CYB5RL: variants seen among roughly 807,000 people sequenced by gnomAD.
The protein encoded by CYB5RL is cytochrome b5 reductase like, also known as NADH-cytochrome b5 reductase-like.
In CYB5RL, 38 loss-of-function variants were observed where a neutral mutation model predicts 37.5. That is an observed-to-expected ratio of 1.01 (90% CI 0.78 to 1.33). The LOEUF (loss-of-function observed/expected upper bound fraction) is 1.33. CYB5RL is among the 40% of genes most tolerant of loss of function. The pLI, the probability that CYB5RL is intolerant of heterozygous loss-of-function variation, is 0.00. For synonymous variants in CYB5RL, 141 were observed against 151.9 expected (o/e 0.93, Z 0.53); for missense variants, 388 against 394.4 (o/e 0.98, Z 0.14).
In CYB5RL at chr1:54,190,787, C is replaced by T; in HGVS notation, c.308G>A (p.Ser103Asn). Residue 103 changes from serine (S) to asparagine (N), a missense_variant, in exon 4 of 8, where the codon AGC (serine) becomes AAC (asparagine). Ser to Asn is a conservative substitution (Grantham distance 46). Transcript: ENST00000534324. ...CTGGCCGGGCCGCAGGCCAAGCTGG[C>T]TGTTCCCGGGTAGAGCAAACCGGAC... is the stretch of plus-strand genomic sequence containing the variant. ...YRVRFALPGN[S>N]QLGLRPGQHL... The T allele has an allele frequency of 6.4e-7, 1 of 1,565,336 alleles. No individual in the cohort carries two copies. Among genetic ancestry groups the T allele is most frequent in the East Asian group, 2.4e-5 (1 of 41,980 alleles).
At chr1:54,177,148 A>G (rs991892536) in intron 7 of CYB5RL, among the ~76,000 whole-genome samples, 10 of 152,182 alleles carry the variant, frequency 6.6e-5, no homozygotes, top group African/African-American at 1.9e-4. Context: ...GGCAAGGGCT[A>G]GAAACAGGGT....
In CYB5RL at chr1:54,171,008, G is replaced by C; in HGVS notation, c.*3611C>G. 2.5e-6 allele frequency: 1 copy of C among 394,682 alleles called. No homozygotes were observed. The highest frequency in any genetic ancestry group is 5.2e-6 in the Non-Finnish European group (1 of 192,902). The allele number at this position is 394,682 out of a possible 1,614,324, so 24.4% of individuals were successfully genotyped here. On this transcript the variant is annotated 3_prime_UTR_variant, in exon 8 of 8. Coordinates refer to ENST00000534324, the MANE Select transcript of CYB5RL (RefSeq NM_001031672.4). ...AAGTGCTGAGCATCCTCCCCTGTTA[G>C]GGGTACAATGGGCCGGCCCTCATGC...
rs533368438 is a variant in CYB5RL at position 54,171,232 on chromosome 1, G to A, written c.*3387C>T. On this transcript the variant is annotated 3_prime_UTR_variant, in exon 8 of 8. Coordinates refer to ENST00000534324, the MANE Select transcript of CYB5RL (RefSeq NM_001031672.4). ...AGGCTGGCCAGGCAGAGGAAGCAGC[G>A]AGTGTAAGGGATGAGCTGACGCAAG... The A allele has an allele frequency of 1.6e-4, 75 of 456,158 alleles. No individual in the cohort carries two copies. The highest frequency in any genetic ancestry group is 5.7e-5 in the Non-Finnish European group (13 of 226,798). 28.3% of individuals were successfully genotyped at this position (456,158 alleles called of 1,614,324 possible).
intron 3 of CYB5RL, among the ~76,000 whole-genome samples, chr1:54,194,029 GATAATA>G (rs35993013): frequency 1.5e-4 from 21 of 144,312 alleles, no homozygotes; most frequent in East Asian, 8.0e-4. Flanking sequence ...TAATAATAAT[GATAATA>G]ATAATAATAA....
intron 7 of CYB5RL, among the ~76,000 whole-genome samples, chr1:54,176,551 C>T (rs72908047): frequency 0.013 from 1,981 of 152,270 alleles, 47 homozygotes; most frequent in African/African-American, 0.045. Flanking sequence ...CAAACAGGGT[C>T]CCCTGGAGCC....
rs1471905646 is a variant in CYB5RL at position 54,171,225 on chromosome 1, A to C, written c.*3394T>G. 2 of 456,070 alleles carry C rather than the reference A, an allele frequency of 4.4e-6. No homozygotes were observed. The highest frequency in any genetic ancestry group is 8.8e-6 in the Non-Finnish European group (2 of 226,760). The allele number at this position is 456,070 out of a possible 1,614,324, so 28.3% of individuals were successfully genotyped here. ...AGGTGGGAGGCTGGCCAGGCAGAGG[A>C]AGCAGCGAGTGTAAGGGATGAGCTG... On this transcript the variant is annotated 3_prime_UTR_variant, in exon 8 of 8. Coordinates refer to ENST00000534324, the MANE Select transcript of CYB5RL (RefSeq NM_001031672.4).
At chr1:54,175,934 T>C (rs1394919765) in intron 7 of CYB5RL, among the ~76,000 whole-genome samples, 1 of 152,024 alleles carries the variant, frequency 6.6e-6, no homozygotes, top group Non-Finnish European at 1.5e-5. Flanking sequence ...CAACTATATA[T>C]AGTCTGAAGA....
chr1:54,174,678 C>A lies in CYB5RL; in HGVS notation c.889G>T (p.Asp297Tyr). ...GCGCACAGTAAGCACCTGGCTATGT[C>A]TTTGGTGAACTCAGCCGAGCCACAG... ...LVCGSAEFTK[D>Y]IARCLLCAGL... The change falls in exon 8 of 8, where the codon GAC becomes TAC. Residue 297 changes from aspartate to tyrosine, a missense_variant. By Grantham distance (160) the Asp-to-Tyr change is radical. Transcript: ENST00000534324. The A allele has an allele frequency of 6.2e-7, 1 of 1,613,498 alleles. No individual in the cohort carries two copies.
chr1:54,178,931 C>CTTCACCCACT (rs1157083000), intron 7 of CYB5RL, among the ~76,000 whole-genome samples: 2 of 152,234 alleles, frequency 1.3e-5, no homozygotes, highest in Non-Finnish European at 2.9e-5. Flanking sequence ...TGTCCAGCAG[C>CTTCACCCACT]GTGAGCCGGT....
chr1:54,179,998 T>C (rs550778393), intron 6 of CYB5RL: 1 of 453,414 alleles, frequency 2.2e-6, no homozygotes, highest in Non-Finnish European at 4.4e-6. Flanking sequence ...ATAAACCTAG[T>C]ACTTTGGGAG....
chr1:54,172,626 T>G lies in CYB5RL; in HGVS notation c.*1993A>C, dbSNP rs1165996088. 1 of 152,346 alleles carries G rather than the reference T, an allele frequency of 6.6e-6. No homozygotes were observed. The highest frequency in any genetic ancestry group is 1.5e-5 in the Non-Finnish European group (1 of 68,144). The allele number at this position is 152,346 out of a possible 1,614,324, so 9.4% of individuals were successfully genotyped here. On this transcript the variant is annotated 3_prime_UTR_variant, in exon 8 of 8. Coordinates refer to ENST00000534324, the MANE Select transcript of CYB5RL (RefSeq NM_001031672.4). ...ACCTTTTCATGACACCCATCACTTT[T>G]AGACTTACAGGTTGAATTGCTGCCT... is the stretch of plus-strand genomic sequence containing the variant.
At chr1:54,196,987 G>A (rs1644013220) in intron 1 of CYB5RL, among the ~76,000 whole-genome samples, 1 of 152,178 alleles carries the variant, frequency 6.6e-6, no homozygotes, top group African/African-American at 2.4e-5. Context: ...GGGGGACAGA[G>A]GGGTAGAAGG....
chr1:54,187,681 C>G lies in CYB5RL; in HGVS notation c.406G>C (p.Ala136Pro), dbSNP rs530944934. 6.2e-7 allele frequency: 1 copy of G among 1,613,978 alleles called. No homozygotes were observed. Among genetic ancestry groups the G allele is most frequent in the Non-Finnish European group, 8.5e-7 (1 of 1,179,892 alleles). The change falls in exon 5 of 8, where the codon GCA (alanine) becomes CCA (proline). Residue 136 changes from alanine (A) to proline (P), a missense_variant. Physicochemically the swap from Ala to Pro is conservative, Grantham distance 27 (BLOSUM62 -1). Transcript: ENST00000534324. ...RAYTPISPANAEGYFEVLIKC... is the reference protein window; with the variant it reads ...RAYTPISPANPEGYFEVLIKC... Reference sequence around the variant, plus strand: ...ATTAACACTTCAAAGTATCCTTCTGCGTTGGCAGGGCTGATGGGCGTATAG... The same window carrying G: ...ATTAACACTTCAAAGTATCCTTCTGGGTTGGCAGGGCTGATGGGCGTATAG...
chr1:54,170,427 T>A lies in CYB5RL; in HGVS notation c.*4192A>T, dbSNP rs1659863696. 6.6e-6 allele frequency: 1 copy of A among 151,334 alleles called. No individual in the cohort carries two copies. Among genetic ancestry groups the A allele is most frequent in the Non-Finnish European group, 1.5e-5 (1 of 67,956 alleles). The allele number at this position is 151,334 out of a possible 1,614,324, so 9.4% of individuals were successfully genotyped here. ...CATCAATAACAATCCTTTTATTATT[T>A]TTTTTAAGATGGAGTCTCGCTCTGT... On this transcript the variant is annotated 3_prime_UTR_variant, in exon 8 of 8. Coordinates refer to ENST00000534324, the MANE Select transcript of CYB5RL (RefSeq NM_001031672.4).
Position 54,190,847 on chromosome 1 carries a change from A to G in CYB5RL, c.248T>C (p.Ile83Thr), listed in dbSNP as rs772275213. 1.2e-6 allele frequency: 2 copies of G among 1,609,058 alleles called. No homozygotes were observed. Among genetic ancestry groups the G allele is most frequent in the East Asian group, 2.2e-5 (1 of 44,724 alleles). ...NPETFVAFCI[I>T]AMDRLTKDTY... ...GTCCTTAGTGAGCCTGTCCATGGCA[A>G]TGATGCAGAAGGCCACGAAGGTCTC... The change falls in exon 4 of 8, where the codon ATT becomes ACT. Residue 83 changes from isoleucine to threonine, a missense_variant. Transcript: ENST00000534324.
intron 7 of CYB5RL, among the ~76,000 whole-genome samples, chr1:54,178,532 T>G (rs1366100016): frequency 6.6e-6 from 1 of 152,036 alleles, no homozygotes; most frequent in Non-Finnish European, 1.5e-5. Flanking sequence ...GCGGAGGGGA[T>G]GTGGAGTCAG....
intron 6 of CYB5RL, among the ~76,000 whole-genome samples, chr1:54,182,324 G>A (rs1001012063): frequency 2.0e-5 from 3 of 152,178 alleles, no homozygotes; most frequent in Admixed American, 1.3e-4. Context: ...GGTGCTACAC[G>A]TGCTTGATAT....
chr1:54,199,421 A>T (rs187891451), intron 1 of CYB5RL, among the ~76,000 whole-genome samples: 1 of 152,272 alleles, frequency 6.6e-6, no homozygotes, highest in African/African-American at 2.4e-5. Context: ...CGGAAAAGGG[A>T]TAGGAAGTGT....
intron 3 of CYB5RL, among the ~76,000 whole-genome samples, chr1:54,192,571 T>C (rs1008573064): frequency 3.9e-5 from 6 of 152,192 alleles, no homozygotes; most frequent in African/African-American, 1.4e-4. Flanking sequence ...GCATCTACCA[T>C]GTGCCAGGTG....
Sources: allele counts gnomAD v4.1 joint callset (sites outside exome capture counted in the v4.1 genomes callset), GRCh38; gene constraint gnomAD v4.1.1; transcripts MANE v1.5; gene names NCBI Gene and HGNC (gene_info 2026-07-23, HGNC 2026-07-21).